MAPKAPK2: variants seen among roughly 807,000 people sequenced by gnomAD.
MAPKAPK2 encodes the protein MAPK activated protein kinase 2.
A neutral mutation model predicts 48.8 loss-of-function variants in MAPKAPK2; 9 were observed. That is an observed-to-expected ratio of 0.18 (90% CI 0.11 to 0.32). The LOEUF is 0.32. Among genes scored for constraint, MAPKAPK2 ranks in the 10% least tolerant of loss-of-function variants. The pLI, the probability that MAPKAPK2 is intolerant of heterozygous loss-of-function variation, is 1.00. For synonymous variants in MAPKAPK2, 202 were observed against 190.6 expected (o/e 1.06, Z -0.49); for missense variants, 331 against 498.3 (o/e 0.66, Z 3.20).
intron 1 of MAPKAPK2, among the ~76,000 whole-genome samples, chr1:206,702,815 C>T (rs1474008601): frequency 1.3e-5 from 2 of 152,208 alleles, no homozygotes; most frequent in African/African-American, 4.8e-5. Context: ...TATCTGCTTC[C>T]ACATCTTCTC....
rs1553432609 is a variant in MAPKAPK2 at position 206,731,216 on chromosome 1, C to T, written c.846C>T (p.Gly282=). The T allele has an allele frequency of 1.2e-6, 2 of 1,614,026 alleles. No homozygotes were observed. The highest frequency in any genetic ancestry group is 1.7e-6 in the Non-Finnish European group (2 of 1,180,030). Reference sequence around the variant, plus strand: ...GCATGAAGACTCGCATCCGAATGGGCCAGTATGAATTTCCCAACCCAGAAT... The same window carrying T: ...GCATGAAGACTCGCATCCGAATGGGTCAGTATGAATTTCCCAACCCAGAAT... The part of the protein sequence containing the change: ...SPGMKTRIRM[G]QYEFPNPEWS... The change falls in exon 7 of 10, where the codon GGC becomes GGT. Residue 282 remains glycine, a synonymous_variant. Transcript: ENST00000367103. This position sits in a 1 kb window ranked among gnomAD's most constrained non-coding sequence, Gnocchi z 5.9.
At chr1:206,726,003 G>A (rs1395270592) in intron 1 of MAPKAPK2, among the ~76,000 whole-genome samples, 1 of 152,196 alleles carries the variant, frequency 6.6e-6, no homozygotes, top group Non-Finnish European at 1.5e-5. Context: ...TTGCTGGATT[G>A]AATTATATAC....
intron 1 of MAPKAPK2, among the ~76,000 whole-genome samples, chr1:206,688,532 A>G (rs1375164674): frequency 1.3e-5 from 2 of 152,244 alleles, no homozygotes; most frequent in Admixed American, 6.5e-5. Flanking sequence ...GAACTTCAAC[A>G]GTAGCTTCAT....
At chr1:206,699,055 G>A (rs953182618) in intron 1 of MAPKAPK2, among the ~76,000 whole-genome samples, 3 of 152,292 alleles carry the variant, frequency 2.0e-5, no homozygotes, top group African/African-American at 2.4e-5. Flanking sequence ...AAATTGCTAC[G>A]ATGAGATGAA....
At chr1:206,691,619 G>A (rs1021235838) in intron 1 of MAPKAPK2, among the ~76,000 whole-genome samples, 50 of 151,656 alleles carry the variant, frequency 3.3e-4, no homozygotes, top group African/African-American at 1.1e-3. Context: ...GTGTTTGTAT[G>A]CTGCTAACAA....
chr1:206,724,570 A>G, intron 1 of MAPKAPK2, among the ~76,000 whole-genome samples: 1 of 93,078 alleles, frequency 1.1e-5, no homozygotes, highest in South Asian at 3.3e-4. Flanking sequence ...TTTTTTTGTT[A>G]AATTTAATTT....
chr1:206,718,925 C>G (rs1416411799), intron 1 of MAPKAPK2, among the ~76,000 whole-genome samples: 1 of 152,136 alleles, frequency 6.6e-6, no homozygotes, highest in Non-Finnish European at 1.5e-5. Context: ...TAAGAGAGTG[C>G]CTTTTCTCCC....
At chr1:206,715,308 C>T (rs927188557) in intron 1 of MAPKAPK2, among the ~76,000 whole-genome samples, 4 of 152,214 alleles carry the variant, frequency 2.6e-5, no homozygotes, top group African/African-American at 7.2e-5. Context: ...TGAAGACATG[C>T]TCCTAGCATT....
intron 1 of MAPKAPK2, among the ~76,000 whole-genome samples, chr1:206,721,996 TG>T (rs1332737694): frequency 2.3e-5 from 3 of 129,270 alleles, no homozygotes; most frequent in East Asian, 4.5e-4. Flanking sequence ...ACCCGGGAGG[TG>T]GAGGTTGCGG....
Position 206,695,678 on chromosome 1 carries a change from C to A in MAPKAPK2, c.279+10170C>A, listed in dbSNP as rs142590638. On this transcript the variant is annotated intron_variant, in intron 1 of 9. Coordinates refer to ENST00000367103, the MANE Select transcript of MAPKAPK2 (RefSeq NM_032960.4). The stretch of plus-strand genomic sequence containing the variant: ...CTTTCGCACCAAAAGTGGGTCTTCC[C>A]ATCCTTCCCCATCAAACTTGCTGAT... 3.9e-5 allele frequency among the ~76,000 whole-genome samples: 6 copies of A among 152,150 alleles called. No individual in the cohort carries two copies. The East Asian group carries it at 1.2e-3, about 29-fold the overall frequency.
chr1:206,685,660 T>A, intron 1 of MAPKAPK2, 152 bp downstream of exon 1: 1 of 497,164 alleles, frequency 2.0e-6, no homozygotes, highest in Non-Finnish European at 2.6e-6. Context: ...CGGTGCCGAG[T>A]GCGGCGCGGG....
chr1:206,701,830 C>CAAAA lies in MAPKAPK2; in HGVS notation c.279+16322_279+16323insAAAA, dbSNP rs1553427942. Among the ~76,000 whole-genome samples the CAAAA allele has an allele frequency of 2.5e-3, 198 of 80,088 alleles. 14 individuals carry two copies. Among genetic ancestry groups the CAAAA allele is most frequent in the Admixed American group, 3.0e-3 (20 of 6,680 alleles). 52.5% of individuals were successfully genotyped at this position (80,088 alleles called of 152,430 possible). A position where few individuals can be genotyped will look rare whatever the true frequency, so the allele number is the denominator to read the frequency against. On this transcript the variant is annotated intron_variant, in intron 1 of 9. Transcript: ENST00000367103. ...TGGGCAACAGAATGAGACCCTGTCT[C>CAAAA]TAAAAAAAAAAAAAAAAAAAAAAAA...
intron 5 of MAPKAPK2, 102 bp from the exon 6 acceptor site, chr1:206,730,586 G>A (rs1289804483): frequency 2.2e-5 from 22 of 1,016,196 alleles, no homozygotes; most frequent in Non-Finnish European, 2.9e-5. Flanking sequence ...GCCACCTCAT[G>A]ATAGGCTGAA....
At chr1:206,727,527 C>A (rs1553431945) in intron 1 of MAPKAPK2, among the ~76,000 whole-genome samples, 1 of 152,206 alleles carries the variant, frequency 6.6e-6, no homozygotes, top group Non-Finnish European at 1.5e-5. Flanking sequence ...CTTAGGCCCC[C>A]CTTACTGGTA....
At chr1:206,691,644 A>G (rs1452492792) in intron 1 of MAPKAPK2, among the ~76,000 whole-genome samples, 2 of 152,052 alleles carry the variant, frequency 1.3e-5, no homozygotes, top group Non-Finnish European at 2.9e-5. Context: ...CATGACCTTG[A>G]ATAGGTCAGC....
In MAPKAPK2 at chr1:206,711,613, T is replaced by C. The variant is rs558930452; in HGVS notation, c.280-17097T>C. 6.0e-5 allele frequency among the ~76,000 whole-genome samples: 9 copies of C among 150,132 alleles called. No homozygotes were observed. The South Asian group carries it at 8.4e-4, about 14-fold the overall frequency. On this transcript the variant is annotated intron_variant, in intron 1 of 9. Coordinates refer to ENST00000367103, the MANE Select transcript of MAPKAPK2 (RefSeq NM_032960.4). ...TGTCTTAATCTACCTCATTCTTTTT[T>C]TTTTTTTTTTTTTTTATGTTTTTGA...
At chr1:206,702,405 A>G (rs1392235896) in intron 1 of MAPKAPK2, among the ~76,000 whole-genome samples, 1 of 152,188 alleles carries the variant, frequency 6.6e-6, no homozygotes, top group Non-Finnish European at 1.5e-5. Context: ...GAGATGCAAC[A>G]TCATTCCAGG....
At position 206,685,165 on chromosome 1, in the gene MAPKAPK2, G is replaced by A; in HGVS notation, c.-65G>A. The A allele has an allele frequency of 3.9e-6, 1 of 254,878 alleles. No individual in the cohort carries two copies. The highest frequency in any genetic ancestry group is 8.5e-5 in the East Asian group (1 of 11,696). The allele number at this position is 254,878 out of a possible 1,614,324, so 15.8% of individuals were successfully genotyped here. A position where few individuals can be genotyped will look rare whatever the true frequency, so the allele number is the denominator to read the frequency against. ...CCCGTCGGGGGGCGGCGGGGAGGGG[G>A]CCCGGAGCCGGAGGAGGGGGCGGCC... On this transcript the variant is annotated 5_prime_UTR_variant, in exon 1 of 10. Transcript: ENST00000367103.
Position 206,685,270 on chromosome 1 carries a change from T to TGC in MAPKAPK2, c.41_42insGC (p.Phe14LeufsTer123). 2.6e-5 allele frequency: 15 copies of TGC among 566,948 alleles called. No individual in the cohort carries two copies. Among genetic ancestry groups the TGC allele is most frequent in the Admixed American group, 7.9e-5 (2 of 25,360 alleles). The allele number at this position is 566,948 out of a possible 1,614,324, so 35.1% of individuals were successfully genotyped here. On this transcript the variant is annotated frameshift_variant, in exon 1 of 10. Coordinates refer to ENST00000367103, the MANE Select transcript of MAPKAPK2 (RefSeq NM_032960.4). LOFTEE classifies it high-confidence loss of function. Reference sequence around the variant, plus strand: ...CAGGGCCAGAGCCCGCCGGTGCCGTTCCCCGCCCCGGCCCCGCCGCCGCAG... The same window carrying TGC: ...CAGGGCCAGAGCCCGCCGGTGCCGTTGCCCCCGCCCCGGCCCCGCCGCCGCAG...
Sources: allele counts gnomAD v4.1 joint callset (sites outside exome capture counted in the v4.1 genomes callset), GRCh38; gene constraint gnomAD v4.1.1; non-coding constraint Gnocchi (gnomAD v3.1); transcripts MANE v1.5; gene names NCBI Gene and HGNC (gene_info 2026-07-23, HGNC 2026-07-21).